RTCB: variants seen among roughly 807,000 people sequenced by gnomAD.
The protein encoded by RTCB is RNA-splicing ligase RTCB.
A neutral mutation model predicts 58.2 loss-of-function variants in RTCB; 32 were observed. That is an observed-to-expected ratio of 0.55 (90% CI 0.41 to 0.74). The LOEUF is 0.74. RTCB is among the 30% of genes least tolerant of loss of function. The probability of loss-of-function intolerance (pLI) is 0.00; values close to 1 mark genes in which losing one functional copy is unlikely to be tolerated. For synonymous variants in RTCB, 247 were observed against 218.6 expected, an observed-to-expected ratio of 1.13 and a Z score of -1.15; for missense variants, 523 against 639.0, an observed-to-expected ratio of 0.82 and a Z score of 1.96.
intron 11 of RTCB, among the ~76,000 whole-genome samples, chr22:32,390,574 G>A (rs566956841): frequency 1.3e-5 from 2 of 151,440 alleles, no homozygotes; most frequent in Non-Finnish European, 2.9e-5. Flanking sequence ...TCAGCCTCCC[G>A]AGTAGCTAGA....
intron 3 of RTCB, 144 bp from the exon 4 acceptor site, chr22:32,406,905 G>A (rs1212956058): frequency 1.1e-5 from 6 of 562,776 alleles, no homozygotes; most frequent in Non-Finnish European, 1.9e-5. Flanking sequence ...TCTTCTATAT[G>A]CATGGAAATA....
chr22:32,399,522 T>G (rs774202150), intron 6 of RTCB, 81 bp downstream of exon 6: 9 of 1,306,968 alleles, frequency 6.9e-6, no homozygotes, highest in Middle Eastern at 1.9e-4. Context: ...GTTTGCTAAA[T>G]GTAAGATATA....
rs748029821 is a variant in RTCB, at chr22:32,387,971, G to A, written c.*21C>T. 6.7e-6 allele frequency: 10 copies of A among 1,498,528 alleles called. No homozygotes were observed. In the Admixed American group the frequency reaches 6.7e-5, roughly 10 times the overall value. 92.8% of individuals were successfully genotyped at this position (1,498,528 alleles called of 1,614,324 possible). On this transcript the variant is annotated 3_prime_UTR_variant, in exon 12 of 12. Coordinates refer to ENST00000216038, the MANE Select transcript of RTCB (RefSeq NM_014306.5). ...CTTCAGAGAGGGTTGGTGGTGTCAGGCAGCCCTGCTGTCCAAGGTTCTATC... is the reference window on the plus strand; with the variant it reads ...CTTCAGAGAGGGTTGGTGGTGTCAGACAGCCCTGCTGTCCAAGGTTCTATC...
intron 7 of RTCB, 84 bp downstream of exon 7, chr22:32,397,857 G>A: frequency 7.7e-7 from 1 of 1,294,848 alleles, no homozygotes; most frequent in Non-Finnish European, 1.1e-6. Flanking sequence ...TAAAACCCAT[G>A]CAGTATATTT....
chr22:32,396,805 A>G (rs1216069372), intron 7 of RTCB, among the ~76,000 whole-genome samples: 3 of 152,208 alleles, frequency 2.0e-5, no homozygotes, highest in East Asian at 1.9e-4. Flanking sequence ...AGGCATCTAT[A>G]TACCTTTTCA....
intron 11 of RTCB, among the ~76,000 whole-genome samples, chr22:32,388,468 A>G (rs1933096616): frequency 6.6e-6 from 1 of 152,196 alleles, no homozygotes; most frequent in Non-Finnish European, 1.5e-5. Context: ...AATTACTGGC[A>G]ATTTTAATTT....
chr22:32,395,310 G>C, intron 8 of RTCB, 96 bp from the exon 9 acceptor site: 2 of 1,031,832 alleles, frequency 1.9e-6, no homozygotes, highest in Non-Finnish European at 2.8e-6. Context: ...AGTCTGTTCT[G>C]AAGGGAGTAA....
At chr22:32,394,340 C>T (rs188371862) in intron 9 of RTCB, among the ~76,000 whole-genome samples, 4 of 151,856 alleles carry the variant, frequency 2.6e-5, no homozygotes, top group African/African-American at 4.8e-5. Flanking sequence ...CTCGATCTCC[C>T]GAACTCGTGA....
At chr22:32,401,948 G>A (rs1161373841) in intron 4 of RTCB, 45 bp from the exon 5 acceptor site, 28 of 1,582,040 alleles carry the variant, frequency 1.8e-5, no homozygotes, top group South Asian at 3.4e-5. Context: ...GTAAGGCACT[G>A]TTACCTGCAG....
chr22:32,394,892 G>T, intron 9 of RTCB, 134 bp downstream of exon 9: 1 of 746,766 alleles, frequency 1.3e-6, no homozygotes, highest in East Asian at 2.7e-5. Context: ...GAGAAGATTG[G>T]GAATCACTGT....
At chr22:32,391,388 TAAGTA>T (rs1034240535) in intron 11 of RTCB, among the ~76,000 whole-genome samples, 1 of 150,374 alleles carries the variant, frequency 6.7e-6, no homozygotes, top group Admixed American at 6.6e-5. Flanking sequence ...ACTATGACAA[TAAGTA>T]AATTTTTTTT....
At chr22:32,400,013 C>G (rs1832039508) in intron 5 of RTCB, 1 of 321,668 alleles carries the variant, frequency 3.1e-6, no homozygotes, top group Admixed American at 4.8e-5. Context: ...TATACTGCTC[C>G]TTGTTAATTT....
intron 4 of RTCB, among the ~76,000 whole-genome samples, chr22:32,405,152 G>A (rs1601430483): frequency 2.0e-5 from 3 of 152,190 alleles, no homozygotes; most frequent in Admixed American, 2.0e-4. Flanking sequence ...TCCCATGACT[G>A]TACAGTGAGA....
chr22:32,401,977 G>T (rs1933343392), intron 4 of RTCB, 74 bp from the exon 5 acceptor site: 1 of 1,392,874 alleles, frequency 7.2e-7, no homozygotes, highest in East Asian at 2.4e-5. Flanking sequence ...CATTAATATG[G>T]AACTATAAAG....
At chr22:32,409,046 T>C (rs1933476665) in intron 1 of RTCB, among the ~76,000 whole-genome samples, 1 of 152,242 alleles carries the variant, frequency 6.6e-6, no homozygotes, top group South Asian at 2.1e-4. Context: ...TGTTCACAAA[T>C]TGTTTTGTTT....
intron 4 of RTCB, 111 bp from the exon 5 acceptor site, chr22:32,402,014 G>GT (rs1933344267): frequency 1.7e-6 from 2 of 1,143,220 alleles, no homozygotes; most frequent in African/African-American, 3.1e-5. Context: ...AGATAACTAT[G>GT]TTTTAAAGTA....
intron 9 of RTCB, 135 bp downstream of exon 9, chr22:32,394,891 G>T: frequency 1.3e-6 from 1 of 741,472 alleles, no homozygotes; most frequent in Non-Finnish European, 2.2e-6. Flanking sequence ...AGAGAAGATT[G>T]GGAATCACTG....
In RTCB at chr22:32,406,757, G is replaced by T. The variant is rs756011780; in HGVS notation, c.245C>A (p.Ser82Tyr). The change falls in exon 4 of 12, where the codon TCT becomes TAT. Residue 82 changes from serine (S) to tyrosine (Y), a missense_variant. This residue lies in a region of RTCB where 134 missense variants were observed against 129.9 expected (regional missense o/e 1.03). Transcript: ENST00000216038. ...TGAATGGACATCAGGAAGCCCAATA[G>T]ATCGCTGAAAAAGAATTAGAAAATG... is the stretch of plus-strand genomic sequence containing the variant. The part of the protein sequence containing the change: ...VAALPGIVHR[S>Y]IGLPDVHSGY... 6.2e-7 allele frequency: 1 copy of T among 1,608,776 alleles called. No individual in the cohort carries two copies.
At position 32,401,856 on chromosome 22, in the gene RTCB, T is replaced by C; in HGVS notation, c.388A>G (p.Asn130Asp). ...INCGVRLLRT[N>D]LDESDVQPVK... Reference sequence around the variant, plus strand: ...GGCTGGACATCACTTTCATCTAAATTGGTTCTTAGCAAGCGGACACCACAG... The same window carrying C: ...GGCTGGACATCACTTTCATCTAAATCGGTTCTTAGCAAGCGGACACCACAG... The change falls in exon 5 of 12, where the codon AAT (asparagine) becomes GAT (aspartate). Residue 130 changes from asparagine (N) to aspartate (D), a missense_variant. Asn to Asp is a conservative substitution (Grantham distance 23). Around this residue, in one of 3 missense-constraint regions of RTCB, gnomAD observed 141 missense variants for 216.7 expected, o/e 0.65. Transcript: ENST00000216038. The C allele has an allele frequency of 6.2e-7, 1 of 1,614,138 alleles. No homozygotes were observed. Among genetic ancestry groups the C allele is most frequent in the Non-Finnish European group, 8.5e-7 (1 of 1,179,988 alleles).
Sources: gnomAD v4.1 joint callset for allele counts (sites outside exome capture counted in the v4.1 genomes callset) on GRCh38, gnomAD v4.1.1 for gene constraint, gnomAD v4.1.1 regional missense constraint, MANE v1.5 for transcripts, NCBI Gene and HGNC (gene_info 2026-07-23, HGNC 2026-07-21) for gene names.